Variants in UTRN observed in about 807,000 individuals in gnomAD.
UTRN encodes dystrophin-related protein 1.
In UTRN, 283 loss-of-function variants were observed where a neutral mutation model predicts 463.9. The observed-to-expected ratio is 0.61, with a 90% CI of 0.55 to 0.67. The LOEUF (loss-of-function observed/expected upper bound fraction) is 0.67, where lower values mean the gene tolerates loss of function less well. Ranked by LOEUF, UTRN falls within the 30% of genes least tolerant of loss-of-function variation. UTRN has a pLI of 0.00. For synonymous variants in UTRN, 1,442 were observed against 1,431.5 expected (o/e 1.01, Z -0.17); for missense variants, 3,922 against 4,084.3 (o/e 0.96, Z 1.08).
intron 52 of UTRN, among the ~76,000 whole-genome samples, chr6:144,691,190 C>A (rs76914870): frequency 0.034 from 5,106 of 152,280 alleles, 303 homozygotes; most frequent in African/African-American, 0.12. Context: ...AATCTTGGCT[C>A]ACTACAACCT....
intron 54 of UTRN, among the ~76,000 whole-genome samples, chr6:144,745,579 A>G (rs930880415): frequency 5.3e-5 from 8 of 152,128 alleles, no homozygotes; most frequent in African/African-American, 1.9e-4. Flanking sequence ...TAGCTTCTTG[A>G]GTGGGGATTA....
At chr6:144,393,484 TA>T in intron 2 of UTRN, among the ~76,000 whole-genome samples, 1 of 152,238 alleles carries the variant, frequency 6.6e-6, no homozygotes, top group South Asian at 2.1e-4. Context: ...TAGGAAGTTT[TA>T]AGAAGAAAAA....
intron 2 of UTRN, chr6:144,333,376 C>T (rs1414842310): frequency 2.0e-5 from 3 of 152,046 alleles, no homozygotes; most frequent in Non-Finnish European, 4.4e-5. Flanking sequence ...ATTTCTATAC[C>T]GTCTTATTCA....
chr6:144,416,053 ATGTG>A (rs150925725), intron 3 of UTRN, among the ~76,000 whole-genome samples: 42 of 147,118 alleles, frequency 2.9e-4, no homozygotes, highest in East Asian at 1.0e-3. Context: ...GTGTGTGTGT[ATGTG>A]TGTGTGTGTG....
intron 54 of UTRN, among the ~76,000 whole-genome samples, chr6:144,743,964 C>T (rs1487268181): frequency 6.7e-6 from 1 of 149,828 alleles, no homozygotes; most frequent in African/African-American, 2.4e-5. Flanking sequence ...ATACATGATA[C>T]ATAAATATAT....
At chr6:144,805,620 G>T (rs1176133789) in intron 65 of UTRN, among the ~76,000 whole-genome samples, 2 of 152,202 alleles carry the variant, frequency 1.3e-5, no homozygotes, top group Admixed American at 1.3e-4. Context: ...AGTGCCCAGT[G>T]CAAAATGAAA....
At position 144,437,554 on chromosome 6, in the gene UTRN, T is replaced by C; in HGVS notation, c.1060-11T>C. Reference sequence around the variant, plus strand: ...GAGTAGCTCACAAATTATAACAATGTCCCTTTCTAGGCTTTTATGATGGAA... The same window carrying C: ...GAGTAGCTCACAAATTATAACAATGCCCCTTTCTAGGCTTTTATGATGGAA... On this transcript the variant is annotated splice_polypyrimidine_tract_variant and intron_variant, in intron 10 of 74. Transcript: ENST00000367545. The C allele has an allele frequency of 1.9e-6, 3 of 1,590,578 alleles. No individual in the cohort carries two copies. Among genetic ancestry groups the C allele is most frequent in the Non-Finnish European group, 2.6e-6 (3 of 1,171,924 alleles).
rs1305847393 is a variant in UTRN at position 144,447,211 on chromosome 6, T to C, written c.1615T>C (p.Cys539Arg). 3 of 1,613,572 alleles carry C rather than the reference T, an allele frequency of 1.9e-6. No homozygotes were observed. The highest frequency in any genetic ancestry group is 2.5e-6 in the Non-Finnish European group (3 of 1,179,684). Residue 539 changes from cysteine (C) to arginine (R), a missense_variant and splice_region_variant, in exon 15 of 75, where the codon TGC becomes CGC. Around this residue, in one of 3 missense-constraint regions of UTRN, gnomAD observed 2,349 missense variants for 2,303.8 expected, o/e 1.02. Coordinates refer to ENST00000367545, the MANE Select transcript of UTRN (RefSeq NM_007124.3). ...GTTCAACTTTTGTTATTACTTGTAG[T>C]GCTTGTTGAAAGCTTGGTTAACCGA... ...ILWQELLEEQ[C>R]LLKAWLTEKE...
At chr6:144,809,038 T>G (rs1351446777) in intron 65 of UTRN, among the ~76,000 whole-genome samples, 2 of 152,162 alleles carry the variant, frequency 1.3e-5, no homozygotes, top group Admixed American at 1.3e-4. Flanking sequence ...GTGGGATTAC[T>G]GGATGATATG....
At chr6:144,566,025 A>G (rs1425023001) in intron 50 of UTRN, among the ~76,000 whole-genome samples, 3 of 152,212 alleles carry the variant, frequency 2.0e-5, no homozygotes, top group African/African-American at 4.8e-5. Context: ...CAAAGGAAGG[A>G]GGACAGGAAG....
At chr6:144,469,931 C>G (rs1355921384) in intron 23 of UTRN, among the ~76,000 whole-genome samples, 1 of 152,050 alleles carries the variant, frequency 6.6e-6, no homozygotes, top group Non-Finnish European at 1.5e-5. Flanking sequence ...CTTCAAGCAT[C>G]TGTTTAACAA....
intron 2 of UTRN, among the ~76,000 whole-genome samples, chr6:144,361,426 G>A (rs988868453): frequency 9.2e-5 from 14 of 152,138 alleles, no homozygotes; most frequent in Admixed American, 3.9e-4. Context: ...TCAATTGTGA[G>A]CTTAATCCAG....
chr6:144,483,954 A>G (rs191820090), intron 27 of UTRN, among the ~76,000 whole-genome samples: 3 of 152,338 alleles, frequency 2.0e-5, no homozygotes, highest in African/African-American at 7.2e-5. Flanking sequence ...TCTGGTAAGC[A>G]TACTTCATAT....
chr6:144,611,530 A>G (rs763233724), intron 51 of UTRN, among the ~76,000 whole-genome samples: 4 of 152,230 alleles, frequency 2.6e-5, no homozygotes, highest in Non-Finnish European at 5.9e-5. Flanking sequence ...CAACATCAAC[A>G]TATAAAAATC....
At position 144,817,295 on chromosome 6, in the gene UTRN, T is replaced by G. The variant is rs1385046088; in HGVS notation, c.9358-3587T>G. ...ATGGGATCTGCAAAATCTGTTCTCCTTTTCTTACAGAAATAAACAGAAACC... is the reference window on the plus strand; with the variant it reads ...ATGGGATCTGCAAAATCTGTTCTCCGTTTCTTACAGAAATAAACAGAAACC... On this transcript the variant is annotated intron_variant, in intron 65 of 74. Transcript: ENST00000367545. Among the ~76,000 whole-genome samples the G allele has an allele frequency of 3.9e-5, 6 of 152,334 alleles. No individual in the cohort carries two copies. In the East Asian group the frequency reaches 9.6e-4, roughly 24 times the overall value.
chr6:144,440,552 C>G, intron 13 of UTRN, 81 bp downstream of exon 13: 1 of 1,571,482 alleles, frequency 6.4e-7, no homozygotes, highest in Non-Finnish European at 8.7e-7. Flanking sequence ...TTCTTCATGT[C>G]CTTTCTCATT....
intron 62 of UTRN, 137 bp downstream of exon 62, chr6:144,789,416 C>G (rs1776569883): frequency 1.5e-6 from 1 of 681,490 alleles, no homozygotes; most frequent in East Asian, 3.0e-5. Context: ...GTGCCTATAC[C>G]AAGTTAGACA....
chr6:144,513,492 G>A (rs1415048833), intron 35 of UTRN, among the ~76,000 whole-genome samples: 1 of 152,100 alleles, frequency 6.6e-6, no homozygotes, highest in Non-Finnish European at 1.5e-5. Flanking sequence ...GGAGGTTGCA[G>A]TGAGCTGAGA....
At chr6:144,499,468 G>A (rs766531650) in intron 34 of UTRN, 41 bp downstream of exon 34, 19 of 1,527,714 alleles carry the variant, frequency 1.2e-5, no homozygotes, top group Admixed American at 3.6e-5. Context: ...TGATGCCAGC[G>A]TAACATGGCA....
Sources: gnomAD v4.1 joint callset for allele counts (sites outside exome capture counted in the v4.1 genomes callset) on GRCh38, gnomAD v4.1.1 for gene constraint, gnomAD v4.1.1 regional missense constraint, MANE v1.5 for transcripts, NCBI Gene and HGNC (gene_info 2026-07-23, HGNC 2026-07-21) for gene names.